The following IRS2 variants were observed in gnomAD, a reference collection of about 807,000 sequenced individuals.
IRS2 encodes insulin receptor substrate 2.
Under a neutral mutation model 70.9 loss-of-function variants are expected in IRS2, and 28 were observed. The ratio of observed to expected loss-of-function variants is 0.39; its 90% CI spans 0.29 to 0.54. The LOEUF (loss-of-function observed/expected upper bound fraction) is 0.54, where lower values mean the gene tolerates loss of function less well. Ranked by LOEUF, IRS2 falls within the 20% of genes least tolerant of loss-of-function variation. IRS2 has a pLI of 0.59. For missense variants in IRS2, 2,081 were observed against 2,024.1 expected (o/e 1.03, Z -0.54); for synonymous variants, 1,217 against 981.9 (o/e 1.24, Z -4.48).
chr13:109,755,232 T>C lies in IRS2; in HGVS notation c.*1072A>G. On this transcript the variant is annotated 3_prime_UTR_variant, in exon 2 of 2. Transcript: ENST00000375856. Reference sequence around the variant, plus strand: ...TTCTTTCCTTTTTTTTTTTTCTTTTTGTTTTTTTTGTTCAGGGCAGCCTCA... The same window carrying C: ...TTCTTTCCTTTTTTTTTTTTCTTTTCGTTTTTTTTGTTCAGGGCAGCCTCA... The C allele has an allele frequency of 7.5e-6, 1 of 132,728 alleles. No individual in the cohort carries two copies. The highest frequency in any genetic ancestry group is 1.4e-5 in the Non-Finnish European group (1 of 72,156). The allele number at this position is 132,728 out of a possible 1,614,324, so 8.2% of individuals were successfully genotyped here.
Position 109,784,345 on chromosome 13 carries a change from C to A in IRS2, c.1709G>T (p.Gly570Val). 1 of 1,609,018 alleles carries A rather than the reference C, an allele frequency of 6.2e-7. No individual in the cohort carries two copies. Among genetic ancestry groups the A allele is most frequent in the South Asian group, 1.1e-5 (1 of 90,982 alleles). ...CAGGGAGTAGGTCCTCTTGCGCAGCCCTCGGTCCAGGTCCTGGGCCGCGTC... is the reference window on the plus strand; with the variant it reads ...CAGGGAGTAGGTCCTCTTGCGCAGCACTCGGTCCAGGTCCTGGGCCGCGTC... Reference protein sequence around the residue: ...SGDAAQDLDRGLRKRTYSLTT... With the variant: ...SGDAAQDLDRVLRKRTYSLTT... The change falls in exon 1 of 2, where the codon GGG becomes GTG. Residue 570 changes from glycine to valine, a missense_variant. Gly to Val is a moderately radical substitution (Grantham distance 109, BLOSUM62 -3). Around this residue, in one of 4 missense-constraint regions of IRS2, gnomAD observed 1,615 missense variants for 1,459.5 expected, o/e 1.11. Transcript: ENST00000375856. This position sits in a 1 kb window ranked among gnomAD's most constrained non-coding sequence, Gnocchi z 5.2.
At chr13:109,763,712 T>C (rs1016969849) in intron 1 of IRS2, among the ~76,000 whole-genome samples, 1 of 152,240 alleles carries the variant, frequency 6.6e-6, no homozygotes, top group African/African-American at 2.4e-5. Flanking sequence ...AACACATGTT[T>C]ATACGTATGG....
Position 109,783,305 on chromosome 13 carries a change from C to T in IRS2, c.2749G>A (p.Gly917Ser), listed in dbSNP as rs753831518. 10 of 1,542,580 alleles carry T rather than the reference C, an allele frequency of 6.5e-6. No homozygotes were observed. The South Asian group carries it at 7.1e-5, about 11-fold the overall frequency. The change falls in exon 1 of 2, where the codon GGC becomes AGC. Residue 917 changes from glycine to serine, a missense_variant. This residue lies in a region of IRS2 where 1,615 missense variants were observed against 1,459.5 expected (regional missense o/e 1.11). Coordinates refer to ENST00000375856, the MANE Select transcript of IRS2 (RefSeq NM_003749.3). ...CCAAAGTCGATGTTGATGTACTCGCCGGGGCTCTTGGGCTCCGGTGGCAGT... is the reference window on the plus strand; with the variant it reads ...CCAAAGTCGATGTTGATGTACTCGCTGGGGCTCTTGGGCTCCGGTGGCAGT... ...YPLPPEPKSP[G>S]EYINIDFGEP...
intron 1 of IRS2, among the ~76,000 whole-genome samples, chr13:109,771,239 A>G (rs1877445117): frequency 6.6e-6 from 1 of 152,114 alleles, no homozygotes; most frequent in South Asian, 2.1e-4. Context: ...ATGCAAATTC[A>G]TGGATGTTTA....
At chr13:109,768,848 G>A (rs1156624490) in intron 1 of IRS2, among the ~76,000 whole-genome samples, 1 of 152,134 alleles carries the variant, frequency 6.6e-6, no homozygotes, top group Non-Finnish European at 1.5e-5. Context: ...CTCAACGGCG[G>A]GGCAGGCATA....
chr13:109,767,933 A>C (rs927032859), intron 1 of IRS2, among the ~76,000 whole-genome samples: 1 of 151,988 alleles, frequency 6.6e-6, no homozygotes, highest in African/African-American at 2.4e-5. Context: ...GGGTTTCATC[A>C]TATTGGCCAG....
In IRS2 at chr13:109,782,108, G is replaced by C. The variant is rs541369908; in HGVS notation, c.3946C>G (p.Pro1316Ala). 2.4e-5 allele frequency: 39 copies of C among 1,611,744 alleles called. No individual in the cohort carries two copies. Among genetic ancestry groups the C allele is most frequent in the Non-Finnish European group, 3.2e-5 (38 of 1,179,550 alleles). ...TCAATGCTGGCGTAGGTGTTGGCAGGGGGCAGGGCACCGGGACCCGGCCCC... is the reference window on the plus strand; with the variant it reads ...TCAATGCTGGCGTAGGTGTTGGCAGCGGGCAGGGCACCGGGACCCGGCCCC... Reference protein sequence around the residue: ...CGGPGPGALPPANTYASIDFL... With the variant: ...CGGPGPGALPAANTYASIDFL... Residue 1316 changes from proline to alanine, a missense_variant, in exon 1 of 2, where the codon CCT becomes GCT. Physicochemically the swap from Pro to Ala is conservative, Grantham distance 27 (BLOSUM62 -1). This residue lies in a region of IRS2 where 1,615 missense variants were observed against 1,459.5 expected (regional missense o/e 1.11). Coordinates refer to ENST00000375856, the MANE Select transcript of IRS2 (RefSeq NM_003749.3).
chr13:109,759,378 G>A (rs1877179832), intron 1 of IRS2, among the ~76,000 whole-genome samples: 1 of 152,128 alleles, frequency 6.6e-6, no homozygotes. Flanking sequence ...AGCGCTCGCG[G>A]TGATTTAAAC....
rs148103910 is a variant in IRS2 at position 109,772,222 on chromosome 13, T to G, written c.4012+9820A>C. 2.2e-4 allele frequency among the ~76,000 whole-genome samples: 33 copies of G among 152,196 alleles called. 1 individual carries two copies. In the East Asian group the frequency reaches 6.0e-3, roughly 28 times the overall value. ...AGATGGTCCCTGACTTCAGTCCCTA[T>G]TTTCGGTGGTTCATAGCACGGAGCG... is the stretch of plus-strand genomic sequence containing the variant. On this transcript the variant is annotated intron_variant, in intron 1 of 1. Coordinates refer to ENST00000375856, the MANE Select transcript of IRS2 (RefSeq NM_003749.3).
At position 109,786,156 on chromosome 13, in the gene IRS2, G is replaced by A. The variant is rs1037271653; in HGVS notation, c.-103C>T. On this transcript the variant is annotated 5_prime_UTR_variant, in exon 1 of 2. Coordinates refer to ENST00000375856, the MANE Select transcript of IRS2 (RefSeq NM_003749.3). This position sits in a 1 kb window ranked among gnomAD's most constrained non-coding sequence, Gnocchi z 4.4. Reference sequence around the variant, plus strand: ...GCGGCTCCCTCCCACCCTTGCGCCCGGCCGCCCGCCCGATCACGCGTCCCT... The same window carrying A: ...GCGGCTCCCTCCCACCCTTGCGCCCAGCCGCCCGCCCGATCACGCGTCCCT... 4.7e-6 allele frequency: 3 copies of A among 639,844 alleles called. No individual in the cohort carries two copies. The highest frequency in any genetic ancestry group is 2.8e-4 in the East Asian group (2 of 7,102). The allele number at this position is 639,844 out of a possible 1,614,324, so 39.6% of individuals were successfully genotyped here.
In IRS2 at chr13:109,783,609, G is replaced by A. The variant is rs770867680; in HGVS notation, c.2445C>T (p.Thr815=). ...SLPRSYKAPY[T]CGGDSDQYVL... is the part of the protein sequence containing the mutation. ...CGTACTGGTCGCTGTCCCCGCCACA[G>A]GTGTAGGGGGCCTTGTAGGAGCGGG... The change falls in exon 1 of 2, where the codon ACC becomes ACT. Residue 815 remains threonine, a synonymous_variant. Coordinates refer to ENST00000375856, the MANE Select transcript of IRS2 (RefSeq NM_003749.3). 1.4e-4 allele frequency: 213 copies of A among 1,548,958 alleles called. No homozygotes were observed. The highest frequency in any genetic ancestry group is 1.8e-4 in the Non-Finnish European group (206 of 1,145,098).
In IRS2 at chr13:109,782,679, C is replaced by A. The variant is rs749040670; in HGVS notation, c.3375G>T (p.Gln1125His). 3.2e-6 allele frequency: 5 copies of A among 1,575,986 alleles called. No homozygotes were observed. Among genetic ancestry groups the A allele is most frequent in the Non-Finnish European group, 4.3e-6 (5 of 1,162,610 alleles). The change falls in exon 1 of 2, where the codon CAG (glutamine) becomes CAT (histidine). Residue 1125 changes from glutamine (Q) to histidine (H), a missense_variant. Coordinates refer to ENST00000375856, the MANE Select transcript of IRS2 (RefSeq NM_003749.3). ...SGVEAFLQAS[Q>H]PPDPHRGAKV... ...TGGCGCCGCGGTGGGGGTCCGGGGG[C>A]TGGCTGGCCTGCAGGAAGGCCTCGA... is the stretch of plus-strand genomic sequence containing the variant.
At position 109,785,576 on chromosome 13, in the gene IRS2, CGGGCGCGGCGGCGGG is replaced by C. The variant is rs1877895460; in HGVS notation, c.463_477del (p.Pro155_Pro159del). ...GGCAGGGAGGCGCTGCAGGACGCGG[CGGGCGCGGCGGCGGG>C]GGGCGCGTCTCCGGCGGCCGCGCGG... On this transcript the variant is annotated inframe_deletion, in exon 1 of 2. Transcript: ENST00000375856. The surrounding 1 kb of genome is among the most constrained non-coding windows in gnomAD (Gnocchi z 9.3). 3 of 1,302,738 alleles carry C rather than the reference CGGGCGCGGCGGCGGG, an allele frequency of 2.3e-6. No individual in the cohort carries two copies. Among genetic ancestry groups the C allele is most frequent in the Admixed American group, 4.1e-5 (1 of 24,358 alleles). 80.7% of individuals were successfully genotyped at this position (1,302,738 alleles called of 1,614,324 possible). A position where few individuals can be genotyped will look rare whatever the true frequency, so the allele number is the denominator to read the frequency against.
intron 1 of IRS2, among the ~76,000 whole-genome samples, chr13:109,762,677 G>C (rs778168126): frequency 6.6e-6 from 1 of 152,146 alleles, no homozygotes; most frequent in African/African-American, 2.4e-5. Flanking sequence ...GGTCTTCCTT[G>C]CCAGCTGATG....
chr13:109,785,487 G>A lies in IRS2; in HGVS notation c.567C>T (p.Pro189=), dbSNP rs1877890593. Residue 189 remains proline, a synonymous_variant, in exon 1 of 2, where the codon CCC becomes CCT. Coordinates refer to ENST00000375856, the MANE Select transcript of IRS2 (RefSeq NM_003749.3). This position sits in a 1 kb window ranked among gnomAD's most constrained non-coding sequence, Gnocchi z 9.3. ...GAEDSYGLVA[P]ATAAYREVWQ... The stretch of plus-strand genomic sequence containing the variant: ...ACACCTCACGGTAGGCGGCCGTGGC[G>A]GGAGCCACCAGCCCGTAGCTGTCCT... 6.2e-7 allele frequency: 1 copy of A among 1,611,458 alleles called. No individual in the cohort carries two copies. The highest frequency in any genetic ancestry group is 1.3e-5 in the African/African-American group (1 of 74,896).
chr13:109,774,911 T>C (rs1424203674), intron 1 of IRS2, among the ~76,000 whole-genome samples: 1 of 152,190 alleles, frequency 6.6e-6, no homozygotes, highest in East Asian at 1.9e-4. Context: ...AGAATAATGG[T>C]ACATCGTCAT....
rs1877059960 is a variant in IRS2 at position 109,754,454 on chromosome 13, T to TG, written c.*1849dup. 4.9e-6 allele frequency: 1 copy of TG among 205,222 alleles called. No homozygotes were observed. The highest frequency in any genetic ancestry group is 7.6e-5 in the East Asian group (1 of 13,182). The allele number at this position is 205,222 out of a possible 1,614,324, so 12.7% of individuals were successfully genotyped here. A position where few individuals can be genotyped will look rare whatever the true frequency, so the allele number is the denominator to read the frequency against. ...GTCCATATTCAGTCCCTATCGTACCTGGGGGGAGTTACAAAGCAAATACCA... is the reference window on the plus strand; with the variant it reads ...GTCCATATTCAGTCCCTATCGTACCTGGGGGGGAGTTACAAAGCAAATACCA... On this transcript the variant is annotated 3_prime_UTR_variant, in exon 2 of 2. Coordinates refer to ENST00000375856, the MANE Select transcript of IRS2 (RefSeq NM_003749.3).
At position 109,782,964 on chromosome 13, in the gene IRS2, C is replaced by T. The variant is rs1877765602; in HGVS notation, c.3090G>A (p.Gln1030=). 1 of 1,424,630 alleles carries T rather than the reference C, an allele frequency of 7.0e-7. No homozygotes were observed. The highest frequency in any genetic ancestry group is 9.1e-7 in the Non-Finnish European group (1 of 1,093,704). The allele number at this position is 1,424,630 out of a possible 1,614,324, so 88.2% of individuals were successfully genotyped here. The change falls in exon 1 of 2, where the codon CAG becomes CAA. Residue 1030 remains glutamine (Q), a synonymous_variant. Coordinates refer to ENST00000375856, the MANE Select transcript of IRS2 (RefSeq NM_003749.3). ...RPSASPSSSL[Q]PPPPPPAPGE... Reference sequence around the variant, plus strand: ...CCGGGGCCGGCGGCGGTGGCGGCGGCTGCAGAGACGACGACGGGGACGCGG... The same window carrying T: ...CCGGGGCCGGCGGCGGTGGCGGCGGTTGCAGAGACGACGACGGGGACGCGG...
chr13:109,783,689 G>A lies in IRS2; in HGVS notation c.2365C>T (p.His789Tyr), dbSNP rs35223808. Residue 789 changes from histidine to tyrosine, a missense_variant, in exon 1 of 2, where the codon CAC (histidine) becomes TAC (tyrosine). Coordinates refer to ENST00000375856, the MANE Select transcript of IRS2 (RefSeq NM_003749.3). ...CCCCTGAGCGGCTCCCCGCCGGGGTGCAGGGCTGCGGAGAAGAAGTCGGGC... is the reference window on the plus strand; with the variant it reads ...CCCCTGAGCGGCTCCCCGCCGGGGTACAGGGCTGCGGAGAAGAAGTCGGGC... ...TPPDFFSAAL[H>Y]PGGEPLRGVP... 6.4e-7 allele frequency: 1 copy of A among 1,562,116 alleles called. No individual in the cohort carries two copies. The highest frequency in any genetic ancestry group is 1.9e-5 in the Admixed American group (1 of 52,712).
Sources: allele counts gnomAD v4.1 joint callset (sites outside exome capture counted in the v4.1 genomes callset), GRCh38; gene constraint gnomAD v4.1.1; regional missense constraint gnomAD v4.1.1; non-coding constraint Gnocchi (gnomAD v3.1); transcripts MANE v1.5; gene names NCBI Gene and HGNC (gene_info 2026-07-23, HGNC 2026-07-21).